SOX5: variants seen among roughly 807,000 people sequenced by gnomAD.
SOX5 encodes the protein SRY-box transcription factor 5.
In SOX5, 9 loss-of-function variants were observed where a neutral mutation model predicts 92.0. The ratio of observed to expected loss-of-function variants is 0.10; its 90% CI spans 0.06 to 0.17. SOX5 has a LOEUF of 0.17. Among genes scored for constraint, SOX5 ranks in the 10% least tolerant of loss-of-function variants. The pLI, the probability that SOX5 is intolerant of heterozygous loss-of-function variation, is 1.00. For synonymous variants in SOX5, 344 were observed against 336.3 expected (o/e 1.02, Z -0.25); for missense variants, 642 against 944.5 (o/e 0.68, Z 4.20).
At chr12:24,453,216 T>C (rs915353372) in intron 1 of SOX5, among the ~76,000 whole-genome samples, 1 of 152,142 alleles carries the variant, frequency 6.6e-6, no homozygotes, top group Non-Finnish European at 1.5e-5. Flanking sequence ...TAGATAACCA[T>C]AAATGCCTGT....
At chr12:24,122,311 G>T (rs1267619544) in intron 4 of SOX5, among the ~76,000 whole-genome samples, 6 of 152,172 alleles carry the variant, frequency 3.9e-5, no homozygotes. Flanking sequence ...AAGAGATCCA[G>T]TCAAAGCAAA....
chr12:23,608,912 TACAA>T (rs2075608431), intron 8 of SOX5, among the ~76,000 whole-genome samples: 1 of 152,178 alleles, frequency 6.6e-6, no homozygotes, highest in Non-Finnish European at 1.5e-5. Flanking sequence ...AGAGAAAGTG[TACAA>T]ACATAGTTTC....
chr12:24,193,625 G>C (rs566010065), intron 4 of SOX5, among the ~76,000 whole-genome samples: 1 of 152,236 alleles, frequency 6.6e-6, no homozygotes, highest in Non-Finnish European at 1.5e-5. Context: ...CTTGTGTTTG[G>C]CTAATATTGA....
chr12:24,440,104 G>A (rs1403458407), intron 1 of SOX5, among the ~76,000 whole-genome samples: 1 of 152,120 alleles, frequency 6.6e-6, no homozygotes, highest in East Asian at 1.9e-4. Context: ...GAGGAGAAGG[G>A]GGAGAAGTAA....
chr12:24,532,972 T>A (rs950757718), intron 1 of SOX5, among the ~76,000 whole-genome samples: 2 of 152,226 alleles, frequency 1.3e-5, no homozygotes, highest in African/African-American at 4.8e-5. Flanking sequence ...AGAATTTCAA[T>A]AAATCCTTTT....
intron 2 of SOX5, among the ~76,000 whole-genome samples, chr12:24,334,052 T>C (rs762902836): frequency 2.6e-5 from 4 of 151,716 alleles, no homozygotes; most frequent in African/African-American, 4.8e-5. Flanking sequence ...AATGAATGAA[T>C]TGGGGAATAC....
intron 4 of SOX5, among the ~76,000 whole-genome samples, chr12:23,984,484 C>T (rs563417523): frequency 7.2e-5 from 11 of 152,234 alleles, no homozygotes; most frequent in Admixed American, 1.3e-4. Context: ...GTATTTCCTA[C>T]AAAGGAATAG....
chr12:24,246,468 G>T (rs547811010), intron 3 of SOX5, among the ~76,000 whole-genome samples: 1 of 151,800 alleles, frequency 6.6e-6, no homozygotes, highest in African/African-American at 2.4e-5. Flanking sequence ...AAGAGACTAA[G>T]AGCCAGGAAT....
intron 2 of SOX5, among the ~76,000 whole-genome samples, chr12:24,363,304 T>A (rs1955804925): frequency 6.6e-6 from 1 of 152,182 alleles, no homozygotes; most frequent in South Asian, 2.1e-4. Flanking sequence ...TAGTTTCGCC[T>A]TCCCCTCTGT....
chr12:23,892,941 C>G (rs1370605913), intron 2 of SOX5, among the ~76,000 whole-genome samples: 1 of 152,148 alleles, frequency 6.6e-6, no homozygotes, highest in African/African-American at 2.4e-5. Flanking sequence ...CCCAGGAGTT[C>G]AAGGCTACGG....
chr12:23,919,131 G>A (rs1352143529), intron 1 of SOX5, among the ~76,000 whole-genome samples: 1 of 152,100 alleles, frequency 6.6e-6, no homozygotes, highest in African/African-American at 2.4e-5. Context: ...TGTGTGTTTG[G>A]GGTGGTGGGG....
chr12:23,908,654 G>A (rs935766037), intron 1 of SOX5, among the ~76,000 whole-genome samples: 3 of 151,528 alleles, frequency 2.0e-5, no homozygotes, highest in South Asian at 2.1e-4. Flanking sequence ...TAAATTTTCC[G>A]AACTTCTCAG....
intron 4 of SOX5, among the ~76,000 whole-genome samples, chr12:24,007,933 AG>A: frequency 6.6e-6 from 1 of 151,550 alleles, no homozygotes; most frequent in African/African-American, 2.4e-5. Context: ...CCATTTCCTT[AG>A]TTCCTAAATA....
chr12:23,993,933 G>T (rs1187403608), intron 4 of SOX5, among the ~76,000 whole-genome samples: 1 of 150,964 alleles, frequency 6.6e-6, no homozygotes, highest in Non-Finnish European at 1.5e-5. Flanking sequence ...GCATGTATGT[G>T]TGTATGTTTG....
chr12:24,087,108 C>T (rs1357607754), intron 4 of SOX5, among the ~76,000 whole-genome samples: 1 of 151,948 alleles, frequency 6.6e-6, no homozygotes, highest in South Asian at 2.1e-4. Flanking sequence ...TTGGACACTG[C>T]CCAGACAGTT....
chr12:24,171,945 G>C (rs188823848), intron 4 of SOX5, among the ~76,000 whole-genome samples: 1 of 152,214 alleles, frequency 6.6e-6, no homozygotes, highest in East Asian at 1.9e-4. Context: ...TAGGGTTAGA[G>C]TTTATGAGGT....
intron 7 of SOX5, among the ~76,000 whole-genome samples, chr12:23,657,317 T>C (rs917931246): frequency 6.6e-6 from 1 of 152,162 alleles, no homozygotes; most frequent in Admixed American, 6.5e-5. Context: ...TAGTACTATT[T>C]TGGCCTTTTA....
chr12:24,538,447 G>A (rs1027554008), intron 1 of SOX5, among the ~76,000 whole-genome samples: 1 of 152,112 alleles, frequency 6.6e-6, no homozygotes, highest in African/African-American at 2.4e-5. Context: ...AGACACTTAA[G>A]ACGTTTCTGC....
At chr12:24,075,658 T>TA (rs948968428) in intron 4 of SOX5, among the ~76,000 whole-genome samples, 106 of 151,896 alleles carry the variant, frequency 7.0e-4, no homozygotes, top group African/African-American at 2.3e-3. Context: ...ATTTTTTTTT[T>TA]AAAAAAGACA....
Sources: allele counts gnomAD v4.1 joint callset (sites outside exome capture counted in the v4.1 genomes callset), GRCh38; gene constraint gnomAD v4.1.1; transcripts MANE v1.5; gene names NCBI Gene and HGNC (gene_info 2026-07-23, HGNC 2026-07-21).